SPOCK1: variants seen among roughly 807,000 people sequenced by gnomAD.
SPOCK1 encodes the protein testican-1.
SPOCK1 carries 23 observed loss-of-function variants against 55.3 expected under a neutral mutation model. That is an observed-to-expected ratio of 0.42 (90% CI 0.30 to 0.59). SPOCK1 has a LOEUF of 0.59. SPOCK1 is among the 20% of genes least tolerant of loss of function. The probability of loss-of-function intolerance (pLI) is 0.22; values close to 1 mark genes in which losing one functional copy is unlikely to be tolerated. For missense variants in SPOCK1, 499 were observed against 552.5 expected, an observed-to-expected ratio of 0.90 and a Z score of 0.97; for synonymous variants, 226 against 221.0, an observed-to-expected ratio of 1.02 and a Z score of -0.20.
chr5:137,356,798 AATATATATAT>A lies in SPOCK1; in HGVS notation c.187-89753_187-89744del, dbSNP rs1191051173. Among the ~76,000 whole-genome samples the A allele has an allele frequency of 6.8e-3, 94 of 13,728 alleles. 1 individual carries two copies. Among genetic ancestry groups the A allele is most frequent in the African/African-American group, 0.014 (39 of 2,818 alleles). The allele number at this position is 13,728 out of a possible 152,430, so 9.0% of individuals were successfully genotyped here. A position where few individuals can be genotyped will look rare whatever the true frequency, so the allele number is the denominator to read the frequency against. ...AGAGCAAGACTGTCTCAAAAAAAAT[AATATATATAT>A]ATATATATATATATATATATATATA... is the stretch of plus-strand genomic sequence containing the variant. On this transcript the variant is annotated intron_variant, in intron 2 of 10. Transcript: ENST00000394945.
intron 4 of SPOCK1, among the ~76,000 whole-genome samples, chr5:137,126,571 T>G (rs1561618851): frequency 6.6e-6 from 1 of 152,168 alleles, no homozygotes; most frequent in African/African-American, 2.4e-5. Flanking sequence ...GAGACCAGCC[T>G]GTACAACATG....
At chr5:137,017,656 A>G (rs1275795629) in intron 6 of SPOCK1, among the ~76,000 whole-genome samples, 3 of 152,142 alleles carry the variant, frequency 2.0e-5, no homozygotes, top group Non-Finnish European at 4.4e-5. Flanking sequence ...TAAAAGAAAA[A>G]AGTTGCAAAA....
intron 6 of SPOCK1, among the ~76,000 whole-genome samples, chr5:137,059,014 CA>C (rs1411199867): frequency 1.3e-5 from 2 of 148,434 alleles, no homozygotes; most frequent in Non-Finnish European, 3.0e-5. Context: ...GTGTCTTGAA[CA>C]GGGGACTACA....
intron 2 of SPOCK1, 107 bp downstream of exon 2, chr5:137,498,266 C>CCACACACACACACACCCA: frequency 1.3e-6 from 1 of 747,072 alleles, no homozygotes; most frequent in East Asian, 3.9e-5. Flanking sequence ...CCCCTCCCAA[C>CCACACACACACACACCCA]CACACACACA....
intron 3 of SPOCK1, among the ~76,000 whole-genome samples, chr5:137,208,330 T>C (rs78876108): frequency 1.5e-3 from 223 of 152,248 alleles, no homozygotes; most frequent in African/African-American, 5.2e-3. Flanking sequence ...CTGGAGGATG[T>C]TGTCCTTGTT....
chr5:137,208,441 A>G (rs931588334), intron 3 of SPOCK1, among the ~76,000 whole-genome samples: 3 of 152,226 alleles, frequency 2.0e-5, no homozygotes, highest in Non-Finnish European at 4.4e-5. Flanking sequence ...AGACCACGCC[A>G]TCCAAAACAC....
chr5:136,983,361 C>CAGAG (rs1750770315), intron 9 of SPOCK1, among the ~76,000 whole-genome samples: 3 of 152,158 alleles, frequency 2.0e-5, no homozygotes, highest in African/African-American at 2.4e-5. Context: ...ATCATATTCT[C>CAGAG]AGAGATTAAA....
intron 2 of SPOCK1, among the ~76,000 whole-genome samples, chr5:137,380,483 G>A (rs1391968492): frequency 6.6e-6 from 1 of 152,162 alleles, no homozygotes; most frequent in East Asian, 1.9e-4. Context: ...AGAATTACCT[G>A]AGATTGGGTG....
chr5:137,197,624 T>TA (rs1755328325), intron 3 of SPOCK1, among the ~76,000 whole-genome samples: 1 of 152,222 alleles, frequency 6.6e-6, no homozygotes, highest in Admixed American at 6.5e-5. Context: ...TGTATTCCTT[T>TA]AAAAATTTTT....
chr5:137,069,831 C>T (rs1412774998), intron 5 of SPOCK1, among the ~76,000 whole-genome samples: 2 of 152,160 alleles, frequency 1.3e-5, no homozygotes, highest in African/African-American at 2.4e-5. Flanking sequence ...TTTTATGTGT[C>T]CATTTGTTTC....
At chr5:137,435,462 AT>A (rs34160417) in intron 2 of SPOCK1, among the ~76,000 whole-genome samples, 2 of 151,864 alleles carry the variant, frequency 1.3e-5, no homozygotes, top group Non-Finnish European at 2.9e-5. Flanking sequence ...TTTCTTACCA[AT>A]TTTTTTGTAT....
intron 4 of SPOCK1, among the ~76,000 whole-genome samples, chr5:137,115,913 A>T (rs1753568727): frequency 6.6e-6 from 1 of 152,250 alleles, no homozygotes; most frequent in South Asian, 2.1e-4. Context: ...TAAAATTTTT[A>T]ATCAAGATAT....
intron 3 of SPOCK1, among the ~76,000 whole-genome samples, chr5:137,162,170 C>T (rs1754570965): frequency 7.2e-6 from 1 of 139,850 alleles, no homozygotes; most frequent in African/African-American, 2.7e-5. Flanking sequence ...GGAGTCTTGG[C>T]TCTATTGCCC....
chr5:137,150,851 G>A (rs1164936810), intron 3 of SPOCK1, among the ~76,000 whole-genome samples: 1 of 152,138 alleles, frequency 6.6e-6, no homozygotes. Flanking sequence ...CAGAGCCTCA[G>A]ATGAAGAGGT....
In SPOCK1 at chr5:137,303,802, C is replaced by A. The variant is rs575202785; in HGVS notation, c.187-36747G>T. Among the ~76,000 whole-genome samples the A allele has an allele frequency of 2.2e-3, 335 of 152,328 alleles. 3 individuals carry two copies. Among genetic ancestry groups the A allele is most frequent in the Admixed American group, 4.6e-3 (71 of 15,308 alleles). ...GGCTGGGGCAGCCAGGAGGGGCCCACAGAGAAGGCGTGTGACGCCTGGGAC... is the reference window on the plus strand; with the variant it reads ...GGCTGGGGCAGCCAGGAGGGGCCCAAAGAGAAGGCGTGTGACGCCTGGGAC... On this transcript the variant is annotated intron_variant, in intron 2 of 10. Coordinates refer to ENST00000394945, the MANE Select transcript of SPOCK1 (RefSeq NM_004598.4).
intron 3 of SPOCK1, among the ~76,000 whole-genome samples, chr5:137,236,628 T>C (rs1472557893): frequency 6.6e-6 from 1 of 152,184 alleles, no homozygotes; most frequent in Non-Finnish European, 1.5e-5. Flanking sequence ...CCTTAGGTCC[T>C]GAGGTATAGA....
chr5:137,181,300 T>G (rs1002512617), intron 3 of SPOCK1, among the ~76,000 whole-genome samples: 1 of 152,160 alleles, frequency 6.6e-6, no homozygotes, highest in African/African-American at 2.4e-5. Flanking sequence ...ACTGGGCTAT[T>G]AAGTTTGGAC....
At chr5:137,234,539 T>C (rs1756135477) in intron 3 of SPOCK1, among the ~76,000 whole-genome samples, 1 of 152,242 alleles carries the variant, frequency 6.6e-6, no homozygotes, top group African/African-American at 2.4e-5. Context: ...GAAACAAGTC[T>C]ATACGATCTT....
chr5:136,975,816 T>C lies in SPOCK1; in HGVS notation c.*2838A>G, dbSNP rs1750600147. The C allele has an allele frequency of 2.6e-5, 4 of 152,236 alleles. No individual in the cohort carries two copies. Among genetic ancestry groups the C allele is most frequent in the Admixed American group, 2.6e-4 (4 of 15,282 alleles). 9.4% of individuals were successfully genotyped at this position (152,236 alleles called of 1,614,324 possible). On this transcript the variant is annotated 3_prime_UTR_variant, in exon 11 of 11. Coordinates refer to ENST00000394945, the MANE Select transcript of SPOCK1 (RefSeq NM_004598.4). ...TGGTAGAAACAAGAATACATTCATATGGCAAATAACTAACCATGGTGGAAC... is the reference window on the plus strand; with the variant it reads ...TGGTAGAAACAAGAATACATTCATACGGCAAATAACTAACCATGGTGGAAC...
Sources: allele counts gnomAD v4.1 joint callset (sites outside exome capture counted in the v4.1 genomes callset), GRCh38; gene constraint gnomAD v4.1.1; transcripts MANE v1.5; gene names NCBI Gene and HGNC (gene_info 2026-07-23, HGNC 2026-07-21).